LPIN1: variants seen among roughly 807,000 people sequenced by gnomAD.
The protein encoded by LPIN1 is lipin 1.
A neutral mutation model predicts 107.5 loss-of-function variants in LPIN1; 71 were observed. That is an observed-to-expected ratio of 0.66 (90% confidence interval 0.55 to 0.80). The LOEUF is 0.80. Ranked by LOEUF, LPIN1 falls within the 30% of genes least tolerant of loss-of-function variation. The probability of loss-of-function intolerance (pLI) is 0.00; values close to 1 mark genes in which losing one functional copy is unlikely to be tolerated. For missense variants in LPIN1, 1,043 were observed against 1,160.6 expected, an observed-to-expected ratio of 0.90 and a Z score of 1.47; for synonymous variants, 445 against 452.6, an observed-to-expected ratio of 0.98 and a Z score of 0.21.
At chr2:11,708,040 C>A (rs1663214263) in intron 1 of LPIN1, among the ~76,000 whole-genome samples, 1 of 152,088 alleles carries the variant, frequency 6.6e-6, no homozygotes, top group Admixed American at 6.5e-5. Flanking sequence ...GCATCCGAGA[C>A]CAGCTGTGTC....
upstream of LPIN1, among the ~76,000 whole-genome samples, chr2:11,741,616 C>T (rs1455454772): frequency 6.6e-6 from 1 of 151,942 alleles, no homozygotes; most frequent in South Asian, 2.1e-4. Context: ...AAATACACAT[C>T]CTGGCTAACA....
At position 11,774,977 on chromosome 2, in the gene LPIN1, A is replaced by T. The variant is rs1400270532; in HGVS notation, c.723-1109A>T. ...TATTTTTAAAAAGTAAAAAAAAAAA[A>T]AAAAGATGAAATTAATTTTAAAGCT... On this transcript the variant is annotated intron_variant, in intron 5 of 20. Transcript: ENST00000674199. This position sits in a 1 kb window ranked among gnomAD's most constrained non-coding sequence, Gnocchi z 4.4. Among the ~76,000 whole-genome samples, 1 of 152,198 alleles carries T rather than the reference A, an allele frequency of 6.6e-6. No homozygotes were observed. The highest frequency in any genetic ancestry group is 2.4e-5 in the African/African-American group (1 of 41,450).
At chr2:11,784,378 C>G (rs997859944) in intron 9 of LPIN1, 5 of 1,129,628 alleles carry the variant, frequency 4.4e-6, no homozygotes, top group South Asian at 4.4e-5. Flanking sequence ...TGCGCCTGCT[C>G]TATGGACATA....
chr2:11,814,791 T>A (rs1680293084), intron 17 of LPIN1, among the ~76,000 whole-genome samples: 1 of 152,158 alleles, frequency 6.6e-6, no homozygotes, highest in Non-Finnish European at 1.5e-5. Flanking sequence ...TGAGCCAGTT[T>A]CATCCATCTG....
At chr2:11,801,754 T>C (rs553581436) in intron 14 of LPIN1, among the ~76,000 whole-genome samples, 1 of 152,214 alleles carries the variant, frequency 6.6e-6, no homozygotes, top group African/African-American at 2.4e-5. Context: ...GAAGAGAAGA[T>C]TTGAAATGTT....
At chr2:11,752,453 A>C (rs1667958166) in intron 1 of LPIN1, among the ~76,000 whole-genome samples, 1 of 39,568 alleles carries the variant, frequency 2.5e-5, no homozygotes, top group Non-Finnish European at 4.4e-5. Context: ...TTTTTTTGAG[A>C]CGGAGTCTCG....
At chr2:11,778,625 T>C (rs991419063) in intron 6 of LPIN1, among the ~76,000 whole-genome samples, 1 of 152,180 alleles carries the variant, frequency 6.6e-6, no homozygotes, top group Non-Finnish European at 1.5e-5. Context: ...ATTTCCTGCT[T>C]TGTCTGAAAA....
chr2:11,787,767 C>G (rs1377066243), intron 11 of LPIN1, among the ~76,000 whole-genome samples: 2 of 151,750 alleles, frequency 1.3e-5, no homozygotes, highest in African/African-American at 4.8e-5. Flanking sequence ...CGGTGAAACC[C>G]CGTCTCTACT....
chr2:11,738,820 G>C (rs761461004), intron 1 of LPIN1, among the ~76,000 whole-genome samples: 5 of 152,192 alleles, frequency 3.3e-5, no homozygotes, highest in Non-Finnish European at 4.4e-5. Context: ...GATCTGCAAG[G>C]AGTGCCTTGA....
chr2:11,677,703 G>A, exon 1 of LPIN1: 2 of 1,535,724 alleles, frequency 1.3e-6, no homozygotes, highest in South Asian at 1.2e-5. Flanking sequence ...CAGGGCAAGA[G>A]CTCCCCAGAC....
At chr2:11,680,458 TCTCTCC>T (rs1216780979) in intron 1 of LPIN1, among the ~76,000 whole-genome samples, 1 of 151,970 alleles carries the variant, frequency 6.6e-6, no homozygotes, top group African/African-American at 2.4e-5. Flanking sequence ...AAAGGCCTGG[TCTCTCC>T]CTCTTCTGCA....
At chr2:11,813,914 G>A (rs1019731362) in intron 17 of LPIN1, among the ~76,000 whole-genome samples, 3 of 150,874 alleles carry the variant, frequency 2.0e-5, no homozygotes, top group Admixed American at 6.6e-5. Context: ...ACTCTGTCTC[G>A]AAAACAAATA....
intron 1 of LPIN1, among the ~76,000 whole-genome samples, chr2:11,752,463 G>A (rs1206384237): frequency 3.9e-5 from 3 of 77,874 alleles, no homozygotes; most frequent in Admixed American, 2.4e-4. Flanking sequence ...ACGGAGTCTC[G>A]CTCTGTCGCC....
chr2:11,746,849 G>C (rs1160356792), intron 1 of LPIN1, among the ~76,000 whole-genome samples, 178 bp downstream of exon 1: 4 of 152,100 alleles, frequency 2.6e-5, no homozygotes, highest in African/African-American at 7.2e-5. Flanking sequence ...GAAGTGGTTC[G>C]GGGGAGGGAG....
At chr2:11,801,958 G>A (rs1454095506) in intron 14 of LPIN1, among the ~76,000 whole-genome samples, 1 of 152,000 alleles carries the variant, frequency 6.6e-6, no homozygotes, top group Non-Finnish European at 1.5e-5. Context: ...AAAAAAATAA[G>A]CTGGAGCTCT....
At chr2:11,696,562 T>C (rs1422673244) in intron 1 of LPIN1, among the ~76,000 whole-genome samples, 1 of 152,108 alleles carries the variant, frequency 6.6e-6, no homozygotes, top group African/African-American at 2.4e-5. Context: ...GGCCAGAGAA[T>C]TGGGTCCCGG....
At chr2:11,722,150 A>G (rs935119619), upstream of LPIN1, 4 of 152,152 alleles carry the variant, frequency 2.6e-5, no homozygotes, top group African/African-American at 9.7e-5. Flanking sequence ...GCCCCTTTCC[A>G]ATTGAGGGTG....
chr2:11,750,088 C>T (rs1222954706), intron 1 of LPIN1, among the ~76,000 whole-genome samples: 2 of 152,220 alleles, frequency 1.3e-5, no homozygotes, highest in African/African-American at 4.8e-5. Flanking sequence ...CCCCCCTCCC[C>T]TCCCCGGCCT....
intron 17 of LPIN1, among the ~76,000 whole-genome samples, chr2:11,813,519 C>T (rs186836677): frequency 2.5e-4 from 38 of 152,116 alleles, no homozygotes; most frequent in African/African-American, 7.7e-4. Context: ...CCAGACAGGG[C>T]GGCGCATACT....
Sources: gnomAD v4.1 joint callset for allele counts (sites outside exome capture counted in the v4.1 genomes callset) on GRCh38, gnomAD v4.1.1 for gene constraint, Gnocchi (gnomAD v3.1) non-coding constraint, MANE v1.5 for transcripts, NCBI Gene and HGNC (gene_info 2026-07-23, HGNC 2026-07-21) for gene names.